Variants in SH3KBP1 observed in about 807,000 individuals in gnomAD.
SH3KBP1 encodes SH3 domain containing kinase binding protein 1, also known as SH3 domain-containing kinase-binding protein 1.
A neutral mutation model predicts 50.1 loss-of-function variants in SH3KBP1; 8 were observed. That is an observed-to-expected ratio of 0.16 (90% CI 0.09 to 0.29). The LOEUF (loss-of-function observed/expected upper bound fraction) is 0.29, where lower values mean the gene tolerates loss of function less well. Ranked by LOEUF, SH3KBP1 falls within the 10% of genes least tolerant of loss-of-function variation. SH3KBP1 has a pLI of 1.00. For missense variants in SH3KBP1, 377 were observed against 535.2 expected, an observed-to-expected ratio of 0.70 and a Z score of 2.92; for synonymous variants, 227 against 218.6, an observed-to-expected ratio of 1.04 and a Z score of -0.34.
At chrX:19,589,084 G>T (rs2066659890) in intron 11 of SH3KBP1, among the ~76,000 whole-genome samples, 1 of 112,247 alleles carries the variant, frequency 8.9e-6, no homozygotes, top group South Asian at 3.7e-4. Flanking sequence ...TTCCTTCGAA[G>T]CCTGGCTGAA....
rs769650738 is a variant in SH3KBP1 at position 19,534,097 on chromosome X, T to A, written c.*2320A>T. On this transcript the variant is annotated 3_prime_UTR_variant, in exon 18 of 18. Coordinates refer to ENST00000397821, the MANE Select transcript of SH3KBP1 (RefSeq NM_031892.3). ...CTCCATAGATGCCTGGTCGAGTCCATGCTGAATGCAAAATAATTTTTTTTT... is the reference window on the plus strand; with the variant it reads ...CTCCATAGATGCCTGGTCGAGTCCAAGCTGAATGCAAAATAATTTTTTTTT... The A allele has an allele frequency of 9.1e-6, 1 of 110,041 alleles. No individual in the cohort carries two copies. Among genetic ancestry groups the A allele is most frequent in the South Asian group, 3.9e-4 (1 of 2,576 alleles). The allele number at this position is 110,041 out of a possible 1,213,427, so 9.1% of individuals were successfully genotyped here.
intron 13 of SH3KBP1, among the ~76,000 whole-genome samples, chrX:19,566,820 A>G (rs1418660112): frequency 9.0e-6 from 1 of 111,430 alleles, no homozygotes; most frequent in Non-Finnish European, 1.9e-5. Flanking sequence ...TTTGGCATTA[A>G]CAGTCACAGT....
chrX:19,615,721 A>G (rs1461925182), intron 8 of SH3KBP1, among the ~76,000 whole-genome samples: 1 of 111,576 alleles, frequency 9.0e-6, no homozygotes, highest in African/African-American at 3.3e-5. Flanking sequence ...AGGCTCAGCC[A>G]CATATCATGG....
intron 2 of SH3KBP1, among the ~76,000 whole-genome samples, chrX:19,828,102 G>A (rs908888812): frequency 9.0e-6 from 1 of 111,067 alleles, no homozygotes; most frequent in African/African-American, 3.3e-5. Flanking sequence ...ATAAAAGTCA[G>A]AAGATAATGT....
chrX:19,580,082 A>G (rs992847677), intron 12 of SH3KBP1, among the ~76,000 whole-genome samples: 13 of 110,877 alleles, frequency 1.2e-4, no homozygotes, highest in African/African-American at 3.9e-4. Flanking sequence ...GGTGGTGAGC[A>G]CCTTGCACGA....
chrX:19,773,856 GAAAAAAAAAAAAAAAA>G (rs59381892), intron 2 of SH3KBP1, among the ~76,000 whole-genome samples: 3 of 14,920 alleles, frequency 2.0e-4, no homozygotes, highest in Non-Finnish European at 3.2e-4. Context: ...ACTCCGGCTC[GAAAAAAAAAAAAAAAA>G]AAAAAAAAAA....
chrX:19,741,166 G>A (rs1476528265), intron 3 of SH3KBP1, among the ~76,000 whole-genome samples: 6 of 112,113 alleles, frequency 5.4e-5, no homozygotes, highest in South Asian at 3.7e-4. Context: ...AATGGAACCC[G>A]TCTGAAGGAT....
chrX:19,682,928 A>G (rs1480000765), intron 6 of SH3KBP1, among the ~76,000 whole-genome samples: 1 of 109,506 alleles, frequency 9.1e-6, no homozygotes, highest in African/African-American at 3.3e-5. Flanking sequence ...AAAAAACAAC[A>G]ACACTTAAAA....
intron 3 of SH3KBP1, among the ~76,000 whole-genome samples, chrX:19,732,343 G>A (rs2064405581): frequency 9.1e-6 from 1 of 110,060 alleles, no homozygotes; most frequent in South Asian, 3.9e-4. Flanking sequence ...AGTATTCCCG[G>A]CAGATTGGTT....
chrX:19,704,410 T>C (rs1234748125), intron 4 of SH3KBP1, among the ~76,000 whole-genome samples: 1 of 112,692 alleles, frequency 8.9e-6, no homozygotes, highest in African/African-American at 3.2e-5. Context: ...ATTTTCCTTG[T>C]CTTGACTTGT....
chrX:19,773,538 GAC>G (rs1446510394), intron 2 of SH3KBP1, among the ~76,000 whole-genome samples: 1 of 105,028 alleles, frequency 9.5e-6, no homozygotes, highest in Admixed American at 1.0e-4. Context: ...TGCACACACA[GAC>G]ACACACACAC....
chrX:19,831,109 C>T (rs2067862551), intron 2 of SH3KBP1, among the ~76,000 whole-genome samples: 1 of 112,325 alleles, frequency 8.9e-6, no homozygotes, highest in Non-Finnish European at 1.9e-5. Flanking sequence ...GAATAAGGAT[C>T]TGCTAAATGA....
chrX:19,802,326 C>T (rs189594079), intron 2 of SH3KBP1, among the ~76,000 whole-genome samples: 5 of 110,574 alleles, frequency 4.5e-5, no homozygotes. Context: ...ACCTGGGAGG[C>T]GCAGGTTGCA....
intron 6 of SH3KBP1, among the ~76,000 whole-genome samples, chrX:19,674,851 G>A (rs2062888286): frequency 1.8e-5 from 2 of 111,486 alleles, no homozygotes; most frequent in Admixed American, 1.9e-4. Context: ...GGCTGAGGGA[G>A]GTGGATCACC....
intron 5 of SH3KBP1, 87 bp from the exon 6 acceptor site, chrX:19,684,115 T>G (rs2063117583): frequency 1.4e-6 from 1 of 725,611 alleles, no homozygotes; most frequent in Non-Finnish European, 2.1e-6. Flanking sequence ...AGGAACCACC[T>G]CTAAAAGTGT....
intron 2 of SH3KBP1, among the ~76,000 whole-genome samples, chrX:19,830,434 G>T (rs1259571180): frequency 9.0e-6 from 1 of 111,267 alleles, no homozygotes; most frequent in East Asian, 2.8e-4. Flanking sequence ...TTTGTAAAGG[G>T]GAGGGATAAA....
At chrX:19,588,532 G>A (rs1440111361) in intron 12 of SH3KBP1, 111 bp downstream of exon 12, 1 of 1,210,603 alleles carries the variant, frequency 8.3e-7, no homozygotes, top group South Asian at 1.8e-5. Context: ...GGAAGCTTGA[G>A]CACCCCCTTC....
intron 5 of SH3KBP1, among the ~76,000 whole-genome samples, chrX:19,692,200 G>T (rs1010214865): frequency 9.0e-6 from 1 of 111,174 alleles, no homozygotes; most frequent in African/African-American, 3.3e-5. Context: ...CAATACAATC[G>T]TTGCAATTCT....
At chrX:19,785,678 A>G (rs2066324557) in intron 2 of SH3KBP1, among the ~76,000 whole-genome samples, 1 of 112,276 alleles carries the variant, frequency 8.9e-6, no homozygotes, top group Non-Finnish European at 1.9e-5. Flanking sequence ...AGTTAGCCCA[A>G]GTATCTATCA....
Sources: gnomAD v4.1 joint callset for allele counts (sites outside exome capture counted in the v4.1 genomes callset) on GRCh38, gnomAD v4.1.1 for gene constraint, MANE v1.5 for transcripts, NCBI Gene and HGNC (gene_info 2026-07-23, HGNC 2026-07-21) for gene names.